The following IQCE variants were observed in gnomAD, a reference collection of about 807,000 sequenced individuals.
IQCE encodes IQ motif containing E.
In IQCE, 115 loss-of-function variants were observed where a neutral mutation model predicts 96.0. The ratio of observed to expected loss-of-function variants is 1.20; its 90% confidence interval spans 1.03 to 1.40. The LOEUF is 1.40. Ranked by LOEUF, IQCE falls within the 40% of genes most tolerant of loss-of-function variation. The pLI, the probability that IQCE is intolerant of heterozygous loss-of-function variation, is 0.00. For synonymous variants in IQCE, 412 were observed against 371.2 expected (o/e 1.11, Z -1.26); for missense variants, 1,041 against 909.1 (o/e 1.15, Z -1.87).
Position 2,600,861 on chromosome 7 carries a change from C to T in IQCE, c.1609-580C>T, listed in dbSNP as rs556084149. ...GACTTCGCTCACATCTATAAGAACA[C>T]ATGCTCCGAGGGACCCTCTCTACTG... On this transcript the variant is annotated intron_variant, in intron 17 of 21. Transcript: ENST00000402050. Among the ~76,000 whole-genome samples the T allele has an allele frequency of 2.4e-4, 36 of 152,336 alleles. 1 individual carries two copies. In the South Asian group the frequency reaches 5.8e-3, roughly 25 times the overall value.
chr7:2,570,132 C>A (rs1183259228), intron 3 of IQCE, among the ~76,000 whole-genome samples: 1 of 152,120 alleles, frequency 6.6e-6, no homozygotes, highest in Non-Finnish European at 1.5e-5. Flanking sequence ...TTTGCAGCTC[C>A]CACCACGTTC....
intron 5 of IQCE, 57 bp downstream of exon 5, chr7:2,572,383 A>G (rs895733750): frequency 5.1e-6 from 8 of 1,569,906 alleles, no homozygotes; most frequent in African/African-American, 1.4e-5. Context: ...AGGAAAGGAC[A>G]GTCTCTGGGC....
At position 2,582,656 on chromosome 7, in the gene IQCE, C is replaced by T. The variant is rs1274703263; in HGVS notation, c.701+6C>T. On this transcript the variant is annotated splice_donor_region_variant and intron_variant, in intron 9 of 21. Transcript: ENST00000402050. ...GAGAAGGACGGCACCATCAGGTGGG[C>T]GCAGGGCTGCACCCTCTCCCCTGCC... The T allele has an allele frequency of 8.7e-6, 14 of 1,611,932 alleles. No homozygotes were observed. Among genetic ancestry groups the T allele is most frequent in the African/African-American group, 1.3e-5 (1 of 74,976 alleles).
chr7:2,596,277 AAG>A (rs540148154), intron 16 of IQCE, among the ~76,000 whole-genome samples: 2 of 152,038 alleles, frequency 1.3e-5, no homozygotes, highest in African/African-American at 4.8e-5. Context: ...AAAGAAAAGA[AAG>A]AGAGAAAGAG....
chr7:2,568,952 A>C lies in IQCE; in HGVS notation c.85-2A>C, dbSNP rs1254347097. On this transcript the variant is annotated splice_acceptor_variant, in intron 2 of 21. Transcript: ENST00000402050. LOFTEE classifies it high-confidence loss of function. ...CCTTATGCCATTTCTTCTTTCTTTC[A>C]GAAAGCAAAAAGGAAAGCTTTCCAC... 2 of 1,612,674 alleles carry C rather than the reference A, an allele frequency of 1.2e-6. No individual in the cohort carries two copies. The highest frequency in any genetic ancestry group is 3.3e-5 in the Admixed American group (2 of 59,990).
At chr7:2,580,161 A>G (rs954849068) in intron 8 of IQCE, 1 of 152,274 alleles carries the variant, frequency 6.6e-6, no homozygotes, top group African/African-American at 2.4e-5. Flanking sequence ...ACCTGCCTTC[A>G]AGAAACATTT....
intron 1 of IQCE, among the ~76,000 whole-genome samples, chr7:2,560,221 C>G (rs561135476): frequency 1.2e-4 from 19 of 152,292 alleles, no homozygotes; most frequent in African/African-American, 4.6e-4. Flanking sequence ...GGCCCTCCAG[C>G]CTGGGCAACA....
chr7:2,578,532 T>C lies in IQCE; in HGVS notation c.630+6T>C. On this transcript the variant is annotated splice_donor_region_variant and intron_variant, in intron 8 of 21. Transcript: ENST00000402050. Reference sequence around the variant, plus strand: ...AAAGGCCCGATGCCAGTTGGGTGAGTATGGTGTGTGCAGGACAGAGCCTTT... The same window carrying C: ...AAAGGCCCGATGCCAGTTGGGTGAGCATGGTGTGTGCAGGACAGAGCCTTT... The C allele has an allele frequency of 6.2e-7, 1 of 1,613,982 alleles. No individual in the cohort carries two copies.
chr7:2,583,561 C>T (rs1782842207), intron 9 of IQCE, 76 bp from the exon 10 acceptor site: 6 of 1,146,434 alleles, frequency 5.2e-6, no homozygotes, highest in Middle Eastern at 2.1e-4. Flanking sequence ...TCTGAACGTT[C>T]TGGGAAACTC....
rs78958766 is a variant in IQCE, at chr7:2,584,330, G to A, written c.824+45G>A. On this transcript the variant is annotated intron_variant, in intron 11 of 21. Coordinates refer to ENST00000402050, the MANE Select transcript of IQCE (RefSeq NM_152558.5). ...GCTGTGTTTTGTGTGTTGCCTTCAC[G>A]TTGTGGAAGCTCCTCTGAGAATGTG... is the stretch of plus-strand genomic sequence containing the variant. 1.0e-3 allele frequency: 1,600 copies of A among 1,570,802 alleles called. 15 individuals carry two copies. In the African/African-American group the frequency reaches 0.016, roughly 16 times the overall value.
At chr7:2,562,096 T>C (rs1051933992) in intron 1 of IQCE, among the ~76,000 whole-genome samples, 2 of 152,214 alleles carry the variant, frequency 1.3e-5, no homozygotes, top group Admixed American at 1.3e-4. Flanking sequence ...ATCTTTATCA[T>C]GAATGAGTGT....
intron 6 of IQCE, among the ~76,000 whole-genome samples, chr7:2,577,462 G>A (rs1420545495): frequency 2.3e-5 from 2 of 86,134 alleles, no homozygotes; most frequent in Non-Finnish European, 5.1e-5. Flanking sequence ...CTGTGCGCGC[G>A]GGGACTGTGT....
intron 5 of IQCE, among the ~76,000 whole-genome samples, chr7:2,573,119 T>A (rs1781877468): frequency 6.6e-6 from 1 of 152,238 alleles, no homozygotes; most frequent in South Asian, 2.1e-4. Flanking sequence ...AATCTGAACA[T>A]GTCCCTCCTC....
chr7:2,580,629 C>CT (rs1246167953), intron 8 of IQCE, among the ~76,000 whole-genome samples: 5 of 151,926 alleles, frequency 3.3e-5, no homozygotes, highest in African/African-American at 9.7e-5. Context: ...AAAAAAGTGT[C>CT]TATCAATAGA....
Position 2,590,012 on chromosome 7 carries a change from G to T in IQCE, c.1150G>T (p.Gly384Trp). The T allele has an allele frequency of 6.2e-7, 1 of 1,613,904 alleles. No individual in the cohort carries two copies. Among genetic ancestry groups the T allele is most frequent in the South Asian group, 1.1e-5 (1 of 91,086 alleles). ...CTCTGCGCTGCACAGACAGCCACGA[G>T]GGGACCGCAACAAGGACCACGAGCG... ...SSSALHRQPR[G>W]DRNKDHERLR... The change falls in exon 14 of 22, where the codon GGG becomes TGG. Residue 384 changes from glycine to tryptophan, a missense_variant. Transcript: ENST00000402050.
intron 8 of IQCE, among the ~76,000 whole-genome samples, chr7:2,579,028 C>T (rs1171154267): frequency 1.3e-5 from 2 of 149,816 alleles, no homozygotes; most frequent in Non-Finnish European, 3.0e-5. Context: ...CACTGCACTC[C>T]AGCCTGGGTG....
chr7:2,595,094 C>G, intron 16 of IQCE, 118 bp downstream of exon 16: 1 of 718,916 alleles, frequency 1.4e-6, no homozygotes, highest in Non-Finnish European at 2.5e-6. Context: ...TCCCACTCCC[C>G]TTTATCATCA....
intron 1 of IQCE, 140 bp from the exon 2 acceptor site, chr7:2,566,976 T>C: frequency 1.5e-6 from 1 of 685,604 alleles, no homozygotes; most frequent in South Asian, 1.7e-5. Flanking sequence ...CCAGCTGGAG[T>C]GTTCTGAGTG....
chr7:2,602,687 C>T (rs1239893322), intron 18 of IQCE, among the ~76,000 whole-genome samples: 3 of 152,218 alleles, frequency 2.0e-5, no homozygotes, highest in Non-Finnish European at 2.9e-5. Flanking sequence ...TTCCCCTTGG[C>T]CACATTACTC....
Sources: allele counts gnomAD v4.1 joint callset (sites outside exome capture counted in the v4.1 genomes callset), GRCh38; gene constraint gnomAD v4.1.1; transcripts MANE v1.5; gene names NCBI Gene and HGNC (gene_info 2026-07-23, HGNC 2026-07-21).